NRG1: variants seen among roughly 807,000 people sequenced by gnomAD.
NRG1 encodes pro-neuregulin-1, membrane-bound isoform.
In NRG1, 18 loss-of-function variants were observed where a neutral mutation model predicts 63.8. The observed-to-expected ratio is 0.28, with a 90% CI of 0.19 to 0.42. The LOEUF (loss-of-function observed/expected upper bound fraction) is 0.42. Ranked by LOEUF, NRG1 falls within the 10% of genes least tolerant of loss-of-function variation. NRG1 has a pLI of 1.00. For missense variants in NRG1, 762 were observed against 814.7 expected (o/e 0.94, Z 0.79); for synonymous variants, 302 against 301.3 (o/e 1.00, Z -0.02).
chr8:32,020,168 A>T (rs2130191733), intron 1 of NRG1, among the ~76,000 whole-genome samples: 1 of 152,304 alleles, frequency 6.6e-6, no homozygotes, highest in South Asian at 2.1e-4. Flanking sequence ...GCATTTAGTT[A>T]GTTCATTTCT....
At chr8:32,299,273 A>ATT (rs1426178801) in intron 1 of NRG1, among the ~76,000 whole-genome samples, 1 of 152,150 alleles carries the variant, frequency 6.6e-6, no homozygotes, top group Non-Finnish European at 1.5e-5. Flanking sequence ...AAAAAATAAA[A>ATT]ACAGAAAGCA....
At chr8:31,952,643 A>G (rs767662172) in intron 1 of NRG1, among the ~76,000 whole-genome samples, 6 of 152,246 alleles carry the variant, frequency 3.9e-5, no homozygotes, top group Non-Finnish European at 1.5e-5. Context: ...ATTAACTTTG[A>G]AAATTGCTGT....
chr8:31,759,205 T>C lies in NRG1; in HGVS notation c.37+119774T>C, dbSNP rs192828255. Among the ~76,000 whole-genome samples, 59 of 152,296 alleles carry C rather than the reference T, an allele frequency of 3.9e-4. No individual in the cohort carries two copies. The Middle Eastern group carries it at 0.024, about 61-fold the overall frequency. On this transcript the variant is annotated intron_variant, in intron 1 of 10. Transcript: ENST00000519301. The stretch of plus-strand genomic sequence containing the variant: ...GAATGTAGCTTGCCTTTTCAATTTC[T>C]TAAAGGATGTCTTTTGAAGAGAATA...
chr8:32,629,125 G>T (rs974250840), intron 5 of NRG1, among the ~76,000 whole-genome samples: 1 of 152,130 alleles, frequency 6.6e-6, no homozygotes, highest in East Asian at 1.9e-4. Context: ...TATTTGAAGT[G>T]CAGACCTGGG....
chr8:31,974,165 A>G (rs1168245652), intron 1 of NRG1, among the ~76,000 whole-genome samples: 1 of 152,042 alleles, frequency 6.6e-6, no homozygotes, highest in Non-Finnish European at 1.5e-5. Flanking sequence ...TATACATGAC[A>G]TTACCTTCTT....
intron 1 of NRG1, among the ~76,000 whole-genome samples, chr8:32,532,700 C>G (rs1831573235): frequency 6.6e-6 from 1 of 151,836 alleles, no homozygotes; most frequent in Non-Finnish European, 1.5e-5. Flanking sequence ...CTAATTTGAT[C>G]ATGTATTAAT....
chr8:32,426,560 A>G (rs189902074), intron 1 of NRG1, among the ~76,000 whole-genome samples: 28 of 152,308 alleles, frequency 1.8e-4, no homozygotes, highest in Middle Eastern at 3.4e-3. Flanking sequence ...ACATTCTCCT[A>G]GGATGTTTAT....
At chr8:32,066,910 T>C (rs1038651653) in intron 1 of NRG1, among the ~76,000 whole-genome samples, 6 of 151,990 alleles carry the variant, frequency 3.9e-5, no homozygotes, top group African/African-American at 1.4e-4. Flanking sequence ...TCACATCCCT[T>C]GTAAGTTGGA....
At chr8:31,989,836 G>A (rs1810753030) in intron 1 of NRG1, among the ~76,000 whole-genome samples, 1 of 152,042 alleles carries the variant, frequency 6.6e-6, no homozygotes, top group Admixed American at 6.5e-5. Context: ...GTGGTTTGTG[G>A]TTGGAATTTC....
In NRG1 at chr8:32,350,048, G is replaced by T. The variant is rs775834236; in HGVS notation, c.38-245780G>T. 2.0e-5 allele frequency among the ~76,000 whole-genome samples: 3 copies of T among 152,248 alleles called. No individual in the cohort carries two copies. The South Asian group carries it at 6.2e-4, about 32-fold the overall frequency. On this transcript the variant is annotated intron_variant, in intron 1 of 10. Coordinates refer to the NRG1 transcript ENST00000519301. The stretch of plus-strand genomic sequence containing the variant: ...ATTCCAACACAGAGAAATAGGAGGC[G>T]TGGGCAGCAGCTCTCCTGGATCTCT...
intron 5 of NRG1, among the ~76,000 whole-genome samples, chr8:32,686,191 T>C (rs1810073858): frequency 6.6e-6 from 1 of 152,118 alleles, no homozygotes; most frequent in African/African-American, 2.4e-5. Context: ...TATGACTCTT[T>C]GCTACTTCTT....
chr8:32,064,523 G>A (rs779280804), intron 1 of NRG1, among the ~76,000 whole-genome samples: 2 of 152,096 alleles, frequency 1.3e-5, no homozygotes, highest in African/African-American at 2.4e-5. Context: ...TTACCAGCAT[G>A]CACAGCACAG....
Position 31,640,634 on chromosome 8 carries a change from G to T in NRG1, c.37+1203G>T. ...ATGGAGCCCGACGCCAACAGCACCA[G>T]CCGCGCGCCGGCCGCCTTCCGAGCC... On this transcript the variant is annotated intron_variant, in intron 1 of 10. Coordinates refer to the NRG1 transcript ENST00000519301. This position sits in a 1 kb window ranked among gnomAD's most constrained non-coding sequence, Gnocchi z 6.3. 6.2e-7 allele frequency: 1 copy of T among 1,609,812 alleles called. No homozygotes were observed. The highest frequency in any genetic ancestry group is 8.5e-7 in the Non-Finnish European group (1 of 1,178,868).
chr8:32,014,424 C>A (rs915579780), intron 1 of NRG1, among the ~76,000 whole-genome samples: 2 of 152,002 alleles, frequency 1.3e-5, no homozygotes, highest in Admixed American at 1.3e-4. Flanking sequence ...TTTGCTGAAG[C>A]TGCTTATCAG....
intron 1 of NRG1, among the ~76,000 whole-genome samples, chr8:32,024,577 T>G (rs1472489866): frequency 6.6e-6 from 1 of 152,200 alleles, no homozygotes; most frequent in African/African-American, 2.4e-5. Flanking sequence ...AAATAAAAAT[T>G]ACCTCAAGCT....
intron 1 of NRG1, among the ~76,000 whole-genome samples, chr8:32,165,880 C>T (rs1441727346): frequency 3.3e-5 from 5 of 152,074 alleles, no homozygotes; most frequent in African/African-American, 7.2e-5. Flanking sequence ...TTCATTGCCC[C>T]GAAAGCACCT....
chr8:31,744,538 G>T (rs79913048), intron 1 of NRG1, among the ~76,000 whole-genome samples: 6,776 of 151,980 alleles, frequency 0.045, 191 homozygotes, highest in Middle Eastern at 0.13. Context: ...TTCCCTGTAT[G>T]CTCAGTTTCC....
At chr8:32,603,775 G>A (rs769376107) in intron 2 of NRG1, among the ~76,000 whole-genome samples, 3 of 152,194 alleles carry the variant, frequency 2.0e-5, no homozygotes, top group East Asian at 1.9e-4. Flanking sequence ...GCTCCCAGCC[G>A]TGAAGTTAAC....
chr8:31,758,800 T>C lies in NRG1; in HGVS notation c.37+119369T>C, dbSNP rs191542281. Among the ~76,000 whole-genome samples, 3 of 152,312 alleles carry C rather than the reference T, an allele frequency of 2.0e-5. No homozygotes were observed. The East Asian group carries it at 5.8e-4, about 29-fold the overall frequency. ...AGTGAGTACTTAGAAATGGGACGGCTAGAGCATAAGCTAGGTGCATATTTA... is the reference window on the plus strand; with the variant it reads ...AGTGAGTACTTAGAAATGGGACGGCCAGAGCATAAGCTAGGTGCATATTTA... On this transcript the variant is annotated intron_variant, in intron 1 of 10. Transcript: ENST00000519301.
Sources: allele counts gnomAD v4.1 joint callset (sites outside exome capture counted in the v4.1 genomes callset), GRCh38; gene constraint gnomAD v4.1.1; non-coding constraint Gnocchi (gnomAD v3.1); transcripts MANE v1.5; gene names NCBI Gene and HGNC (gene_info 2026-07-23, HGNC 2026-07-21).